GAS2: variants seen among roughly 807,000 people sequenced by gnomAD.
GAS2 encodes the protein growth arrest-specific protein 2.
In GAS2, 20 loss-of-function variants were observed where a neutral mutation model predicts 37.5. That is an observed-to-expected ratio of 0.53 (90% CI 0.37 to 0.77). The LOEUF (loss-of-function observed/expected upper bound fraction) is 0.77. Ranked by LOEUF, GAS2 falls within the 30% of genes least tolerant of loss-of-function variation. The probability of loss-of-function intolerance (pLI) is 0.00; values close to 1 mark genes in which losing one functional copy is unlikely to be tolerated. For synonymous variants in GAS2, 144 were observed against 132.2 expected (o/e 1.09, Z -0.61); for missense variants, 336 against 373.4 (o/e 0.90, Z 0.82).
chr11:22,626,770 T>C (rs45479997), intron 1 of GAS2: 1 of 152,340 alleles, frequency 6.6e-6, no homozygotes, highest in Non-Finnish European at 1.5e-5. Context: ...GTGTTTTGTT[T>C]TGTACTTTAA....
chr11:22,767,386 T>G (rs1854749969), intron 7 of GAS2, among the ~76,000 whole-genome samples: 1 of 152,130 alleles, frequency 6.6e-6, no homozygotes, highest in Non-Finnish European at 1.5e-5. Flanking sequence ...ATGAAAATAG[T>G]TCTTCACTGT....
intron 1 of GAS2, among the ~76,000 whole-genome samples, chr11:22,642,702 C>A (rs367825601): frequency 6.6e-6 from 1 of 152,064 alleles, no homozygotes; most frequent in South Asian, 2.1e-4. Flanking sequence ...TTAAAAATGA[C>A]GTATCTGAGA....
intron 7 of GAS2, among the ~76,000 whole-genome samples, chr11:22,788,514 G>C (rs894004619): frequency 1.3e-5 from 2 of 152,060 alleles, no homozygotes; most frequent in Admixed American, 6.6e-5. Context: ...GAACCAAAAA[G>C]GTCTGCAGAA....
intron 7 of GAS2, among the ~76,000 whole-genome samples, chr11:22,763,943 C>T (rs925837471): frequency 2.0e-5 from 3 of 152,098 alleles, no homozygotes; most frequent in Non-Finnish European, 2.9e-5. Context: ...GCTTTTAATT[C>T]TTTTATGTTT....
intron 1 of GAS2, among the ~76,000 whole-genome samples, chr11:22,634,258 A>G (rs150740145): frequency 5.3e-4 from 81 of 152,234 alleles, no homozygotes; most frequent in African/African-American, 1.8e-3. Flanking sequence ...ATGAGAACAT[A>G]ATGGGGGAAA....
At chr11:22,759,635 G>T (rs1194684280) in intron 7 of GAS2, among the ~76,000 whole-genome samples, 2 of 152,114 alleles carry the variant, frequency 1.3e-5, no homozygotes, top group East Asian at 3.8e-4. Context: ...AAATATTTCA[G>T]TTATTTTTCA....
intron 1 of GAS2, among the ~76,000 whole-genome samples, chr11:22,673,420 C>A (rs929966345): frequency 1.6e-4 from 24 of 152,190 alleles, no homozygotes; most frequent in Admixed American, 1.3e-3. Context: ...CTCATGATAT[C>A]ATATAAACAT....
Position 22,692,351 on chromosome 11 carries a change from C to T in GAS2, c.267+6562C>T, listed in dbSNP as rs188175840. On this transcript the variant is annotated intron_variant, in intron 3 of 7. Transcript: ENST00000454584. ...AAGTTTATTTTGCCAAGACTGAGGACGTGCGCCCATGATACAGCCTCAGGC... is the reference window on the plus strand; with the variant it reads ...AAGTTTATTTTGCCAAGACTGAGGATGTGCGCCCATGATACAGCCTCAGGC... 3.3e-4 allele frequency among the ~76,000 whole-genome samples: 50 copies of T among 152,242 alleles called. No homozygotes were observed. In the East Asian group the frequency reaches 6.4e-3, roughly 19 times the overall value.
intron 1 of GAS2, among the ~76,000 whole-genome samples, chr11:22,641,200 T>TTG (rs1554964872): frequency 7.4e-6 from 1 of 135,342 alleles, no homozygotes; most frequent in Non-Finnish European, 1.6e-5. Context: ...GGTTCTTTCT[T>TTG]TATATATATA....
intron 7 of GAS2, among the ~76,000 whole-genome samples, chr11:22,804,417 T>G (rs1856799842): frequency 6.6e-6 from 1 of 152,208 alleles, no homozygotes; most frequent in East Asian, 1.9e-4. Flanking sequence ...AAAGTTATCA[T>G]GAAAAATAAA....
At chr11:22,734,339 T>A (rs1852633719) in intron 4 of GAS2, among the ~76,000 whole-genome samples, 1 of 151,728 alleles carries the variant, frequency 6.6e-6, no homozygotes, top group African/African-American at 2.4e-5. Flanking sequence ...TATCTTTACA[T>A]GTTGGCCAAA....
intron 3 of GAS2, among the ~76,000 whole-genome samples, chr11:22,715,888 C>CAA (rs200463783): frequency 1.3e-5 from 2 of 149,660 alleles, no homozygotes; most frequent in African/African-American, 4.9e-5. Context: ...AAGAACATAA[C>CAA]AAAAAAAAAG....
At chr11:22,714,642 A>T (rs923928039) in intron 3 of GAS2, among the ~76,000 whole-genome samples, 1 of 152,226 alleles carries the variant, frequency 6.6e-6, no homozygotes, top group Admixed American at 6.5e-5. Context: ...AAATTTAAGA[A>T]AAATTGAAAT....
chr11:22,725,953 A>G (rs1340077046), intron 3 of GAS2, among the ~76,000 whole-genome samples: 2 of 152,110 alleles, frequency 1.3e-5, no homozygotes, highest in Non-Finnish European at 2.9e-5. Context: ...ATACATTTAT[A>G]AGTACTTTGT....
At chr11:22,649,648 G>A (rs1399756042) in intron 1 of GAS2, among the ~76,000 whole-genome samples, 1 of 152,224 alleles carries the variant, frequency 6.6e-6, no homozygotes, top group African/African-American at 2.4e-5. Context: ...AGTCTTGGGA[G>A]AGCGTATGTG....
intron 3 of GAS2, among the ~76,000 whole-genome samples, chr11:22,699,842 A>G (rs1227306901): frequency 6.6e-6 from 1 of 152,164 alleles, no homozygotes; most frequent in Non-Finnish European, 1.5e-5. Flanking sequence ...ATTCCTCTCA[A>G]GATTAACATT....
chr11:22,729,089 C>A (rs1467008494), intron 4 of GAS2, among the ~76,000 whole-genome samples: 1 of 151,284 alleles, frequency 6.6e-6, no homozygotes, highest in Non-Finnish European at 1.5e-5. Flanking sequence ...TGAAGCACAT[C>A]CTTTGTGTCC....
chr11:22,731,804 A>G (rs567063924), intron 4 of GAS2, among the ~76,000 whole-genome samples: 1 of 151,918 alleles, frequency 6.6e-6, no homozygotes, highest in Non-Finnish European at 1.5e-5. Flanking sequence ...GTATTAATTT[A>G]TGATAATAAT....
At chr11:22,722,511 G>T (rs929375505) in intron 3 of GAS2, among the ~76,000 whole-genome samples, 1 of 151,932 alleles carries the variant, frequency 6.6e-6, no homozygotes, top group East Asian at 1.9e-4. Flanking sequence ...GCTAGTGAGT[G>T]AGTGAGCCTA....
Sources: gnomAD v4.1 joint callset for allele counts (sites outside exome capture counted in the v4.1 genomes callset) on GRCh38, gnomAD v4.1.1 for gene constraint, MANE v1.5 for transcripts, NCBI Gene and HGNC (gene_info 2026-07-23, HGNC 2026-07-21) for gene names.